The following PHLPP2 variants were observed in gnomAD, a reference collection of about 807,000 sequenced individuals.
PHLPP2 encodes PH domain and leucine rich repeat protein phosphatase 2, also known as PH domain leucine-rich repeat-containing protein phosphatase 2.
Under a neutral mutation model 124.9 loss-of-function variants are expected in PHLPP2, and 66 were observed. The observed-to-expected ratio is 0.53, with a 90% CI of 0.43 to 0.65. The LOEUF (loss-of-function observed/expected upper bound fraction) is 0.65, where lower values mean the gene tolerates loss of function less well. PHLPP2 is among the 30% of genes least tolerant of loss of function. PHLPP2 has a pLI of 0.00. For synonymous variants in PHLPP2, 681 were observed against 624.7 expected (o/e 1.09, Z -1.34); for missense variants, 1,685 against 1,600.4 (o/e 1.05, Z -0.90).
chr16:71,654,029 A>C (rs1444799478), intron 17 of PHLPP2, among the ~76,000 whole-genome samples: 3 of 151,920 alleles, frequency 2.0e-5, no homozygotes, highest in African/African-American at 7.3e-5. Context: ...ACCCATCTCT[A>C]CTAAAAATAC....
At chr16:71,679,331 C>T (rs1374167823) in intron 7 of PHLPP2, 58 bp downstream of exon 7, 8 of 1,471,998 alleles carry the variant, frequency 5.4e-6, no homozygotes, top group African/African-American at 1.4e-5. Flanking sequence ...TCATTCCAAA[C>T]CCCAGGCAAG....
intron 5 of PHLPP2, among the ~76,000 whole-genome samples, chr16:71,682,165 G>T (rs372770114): frequency 6.0e-5 from 9 of 150,554 alleles, no homozygotes; most frequent in African/African-American, 2.2e-4. Context: ...ATTAAAGATG[G>T]AAAGTTAACA....
rs370115604 is a variant in PHLPP2 at position 71,672,120 on chromosome 16, G to A, written c.1532+142C>T. ...TACAGTAAGGCTATTAAACTTATTC[G>A]TCCATTCATCCTTTCTCCTTTTTCC... On this transcript the variant is annotated intron_variant, in intron 10 of 18. Transcript: ENST00000568954. 2.5e-4 allele frequency: 160 copies of A among 647,888 alleles called. 1 individual carries two copies. Among genetic ancestry groups the A allele is most frequent in the African/African-American group, 1.6e-3 (85 of 54,800 alleles). The allele number at this position is 647,888 out of a possible 1,614,324, so 40.1% of individuals were successfully genotyped here.
chr16:71,681,477 G>C (rs925966291), intron 6 of PHLPP2, among the ~76,000 whole-genome samples: 1 of 152,096 alleles, frequency 6.6e-6, no homozygotes, highest in African/African-American at 2.4e-5. Context: ...TAAATCTCCT[G>C]ATGTAACTTG....
chr16:71,668,309 C>A (rs534170529), intron 11 of PHLPP2, among the ~76,000 whole-genome samples: 1 of 149,858 alleles, frequency 6.7e-6, no homozygotes, highest in Admixed American at 6.7e-5. Context: ...CCAGCTACTC[C>A]GGAAGCTGAG....
At chr16:71,719,964 A>AT (rs756642820) in intron 1 of PHLPP2, among the ~76,000 whole-genome samples, 4,122 of 53,236 alleles carry the variant, frequency 0.077, 520 homozygotes, top group Non-Finnish European at 0.091. Flanking sequence ...TGCCCAGCTA[A>AT]TTTTTTTTTT....
rs778863666 is a variant in PHLPP2, at chr16:71,650,008, T to A, written c.2854A>T (p.Met952Leu). 1.9e-6 allele frequency: 3 copies of A among 1,611,618 alleles called. No individual in the cohort carries two copies. The highest frequency in any genetic ancestry group is 4.5e-5 in the East Asian group (2 of 44,880). ...GGGTAGAGGTATGTACAGCCCAGCATCCGGGTACAGCAGGTTACCCCATTC... is the reference window on the plus strand; with the variant it reads ...GGGTAGAGGTATGTACAGCCCAGCAACCGGGTACAGCAGGTTACCCCATTC... ...KVNGVTCCTR[M>L]LGCTYLYPWI... The change falls in exon 19 of 19, where the codon ATG (methionine) becomes TTG (leucine). Residue 952 changes from methionine (M) to leucine (L), a missense_variant. By Grantham distance (15) the Met-to-Leu change is conservative. Coordinates refer to ENST00000568954, the MANE Select transcript of PHLPP2 (RefSeq NM_015020.3).
At chr16:71,650,071 G>A (rs767371734) in intron 18 of PHLPP2, 27 bp from the exon 19 acceptor site, 2 of 1,573,540 alleles carry the variant, frequency 1.3e-6, no homozygotes, top group South Asian at 1.1e-5. Context: ...CACAAATTCT[G>A]AGAAACAAGC....
rs1420923084 is a variant in PHLPP2 at position 71,649,040 on chromosome 16, C to T, written c.3822G>A (p.Gln1274=). The T allele has an allele frequency of 6.2e-7, 1 of 1,614,180 alleles. No homozygotes were observed. Residue 1274 remains glutamine, a synonymous_variant, in exon 19 of 19, where the codon CAG becomes CAA. Coordinates refer to ENST00000568954, the MANE Select transcript of PHLPP2 (RefSeq NM_015020.3). ...RKTGYFAAPT[Q]MEPEDQFVVP... ...CAACAAACTGGTCCTCTGGTTCCAT[C>T]TGAGTGGGGGCAGCAAAATAGCCAG... is the stretch of plus-strand genomic sequence containing the variant.
At chr16:71,657,285 C>G (rs2044750139) in intron 15 of PHLPP2, among the ~76,000 whole-genome samples, 1 of 152,036 alleles carries the variant, frequency 6.6e-6, no homozygotes, top group Non-Finnish European at 1.5e-5. Flanking sequence ...GTCATGTTGA[C>G]CAGGCTGGTC....
chr16:71,666,822 T>A (rs565716381), intron 12 of PHLPP2, among the ~76,000 whole-genome samples: 1 of 152,230 alleles, frequency 6.6e-6, no homozygotes, highest in Non-Finnish European at 1.5e-5. Context: ...TTCTCTCCAA[T>A]GCAAAAGCTC....
chr16:71,667,076 AC>A, intron 12 of PHLPP2, 101 bp downstream of exon 12: 1 of 973,270 alleles, frequency 1.0e-6, no homozygotes, highest in South Asian at 1.8e-5. Flanking sequence ...TATTAGGTAA[AC>A]GCTCTGTAAA....
At chr16:71,652,238 C>G (rs1237767291) in intron 18 of PHLPP2, among the ~76,000 whole-genome samples, 3 of 152,174 alleles carry the variant, frequency 2.0e-5, no homozygotes, top group Non-Finnish European at 1.5e-5. Context: ...GAATTCATCA[C>G]GGAATTCCAC....
chr16:71,710,038 G>T (rs1216341774), intron 2 of PHLPP2, among the ~76,000 whole-genome samples: 1 of 151,964 alleles, frequency 6.6e-6, no homozygotes, highest in Non-Finnish European at 1.5e-5. Context: ...TGGTAGCGAC[G>T]GGGCTTCACC....
chr16:71,679,237 T>C (rs1005331442), intron 7 of PHLPP2, 152 bp downstream of exon 7: 16 of 698,080 alleles, frequency 2.3e-5, no homozygotes, highest in Non-Finnish European at 3.4e-5. Flanking sequence ...TGGGCAGGTA[T>C]ATCTCTGAGG....
At chr16:71,713,024 C>G (rs1377182013) in intron 2 of PHLPP2, among the ~76,000 whole-genome samples, 1 of 152,152 alleles carries the variant, frequency 6.6e-6, no homozygotes, top group East Asian at 1.9e-4. Context: ...AGTTCACATG[C>G]ATAGTATAAG....
chr16:71,665,047 C>G (rs1053216648), intron 12 of PHLPP2, among the ~76,000 whole-genome samples: 2 of 152,128 alleles, frequency 1.3e-5, no homozygotes, highest in Admixed American at 1.3e-4. Flanking sequence ...AGGTGGCTCA[C>G]GCCTGTAATC....
Position 71,721,148 on chromosome 16 carries a change from C to G in PHLPP2, c.-7+3181G>C, listed in dbSNP as rs73580238. On this transcript the variant is annotated intron_variant, in intron 1 of 18. Coordinates refer to ENST00000568954, the MANE Select transcript of PHLPP2 (RefSeq NM_015020.3). ...AGGAGTTGAAGGCCAGCCTAGGCAA[C>G]AAGGTAAGACCTCATCTCTACTAAA... Among the ~76,000 whole-genome samples the G allele has an allele frequency of 2.5e-3, 370 of 147,592 alleles. 2 individuals are homozygous for G. The highest frequency in any genetic ancestry group is 8.3e-3 in the African/African-American group (332 of 39,852).
chr16:71,684,045 G>T (rs1422429229), intron 5 of PHLPP2, among the ~76,000 whole-genome samples: 1 of 151,210 alleles, frequency 6.6e-6, no homozygotes, highest in Non-Finnish European at 1.5e-5. Flanking sequence ...ACCTGCCCCA[G>T]CCTCCCAAAG....
Sources: gnomAD v4.1 joint callset for allele counts (sites outside exome capture counted in the v4.1 genomes callset) on GRCh38, gnomAD v4.1.1 for gene constraint, MANE v1.5 for transcripts, NCBI Gene and HGNC (gene_info 2026-07-23, HGNC 2026-07-21) for gene names.